The following ELFN2 variants were observed in gnomAD, a reference collection of about 807,000 sequenced individuals.
ELFN2 encodes extracellular leucine rich repeat and fibronectin type III domain containing 2.
ELFN2 carries 17 observed loss-of-function variants against 45.5 expected under a neutral mutation model. The ratio of observed to expected loss-of-function variants is 0.37; its 90% CI spans 0.26 to 0.56. ELFN2 has a LOEUF of 0.56. ELFN2 is among the 20% of genes least tolerant of loss of function. The probability of loss-of-function intolerance (pLI) is 0.77; values close to 1 mark genes in which losing one functional copy is unlikely to be tolerated. For synonymous variants in ELFN2, 550 were observed against 551.5 expected (o/e 1.00, Z 0.04); for missense variants, 922 against 1,183.2 (o/e 0.78, Z 3.24).
intron 2 of ELFN2, among the ~76,000 whole-genome samples, chr22:37,393,528 C>G (rs574029183): frequency 9.2e-5 from 14 of 152,360 alleles, no homozygotes; most frequent in Admixed American, 5.2e-4. Context: ...ACAACAGTAT[C>G]GATGAGGACA....
At chr22:37,425,979 T>A (rs1183436612) in intron 1 of ELFN2, among the ~76,000 whole-genome samples, 1 of 151,102 alleles carries the variant, frequency 6.6e-6, no homozygotes, top group African/African-American at 2.4e-5. Context: ...CCCCACAGCT[T>A]CCACCACATT....
At chr22:37,425,400 G>A (rs567834067) in intron 1 of ELFN2, among the ~76,000 whole-genome samples, 10 of 152,286 alleles carry the variant, frequency 6.6e-5, no homozygotes, top group Admixed American at 4.6e-4. Flanking sequence ...GCTGGGAAAG[G>A]CGGCCTCTTG....
At chr22:37,359,467 G>C (rs893604790) in intron 1 of ELFN2, among the ~76,000 whole-genome samples, 2 of 152,136 alleles carry the variant, frequency 1.3e-5, no homozygotes, top group African/African-American at 4.8e-5. Flanking sequence ...TATTTCTTTT[G>C]ACCAAAGCAT....
rs1569131742 is a variant in ELFN2 at position 37,373,567 on chromosome 22, C to T, written c.1968G>A (p.Leu656=). ...DVPDHPAATG[L]AKGDSKYIEK... ...CGATGTACTTGGAGTCGCCCTTAGC[C>T]AGCCCTGTGGCGGCCGGATGGTCGG... Residue 656 remains leucine (L), a synonymous_variant, in exon 3 of 3, where the codon CTG becomes CTA. Coordinates refer to ENST00000402918, the MANE Select transcript of ELFN2 (RefSeq NM_052906.5). 3 of 1,604,824 alleles carry T rather than the reference C, an allele frequency of 1.9e-6. No individual in the cohort carries two copies. Among genetic ancestry groups the T allele is most frequent in the Non-Finnish European group, 2.5e-6 (3 of 1,176,892 alleles).
downstream of ELFN2, among the ~76,000 whole-genome samples, chr22:37,367,371 A>T (rs1478012353): frequency 6.6e-6 from 1 of 152,218 alleles, no homozygotes; most frequent in Non-Finnish European, 1.5e-5. Flanking sequence ...CTTCCCAGCC[A>T]TGAAGAACCG....
At chr22:37,361,988 G>A (rs571060066) in intron 1 of ELFN2, among the ~76,000 whole-genome samples, 4 of 152,266 alleles carry the variant, frequency 2.6e-5, no homozygotes, top group East Asian at 3.9e-4. Flanking sequence ...CCTCCCACAC[G>A]CAGCTACTCC....
intron 2 of ELFN2, among the ~76,000 whole-genome samples, chr22:37,414,875 A>ACAGC (rs1330998762): frequency 6.6e-6 from 1 of 152,196 alleles, no homozygotes; most frequent in African/African-American, 2.4e-5. Flanking sequence ...GCCACCCAGG[A>ACAGC]CAGCCCTCTC....
intron 2 of ELFN2, among the ~76,000 whole-genome samples, chr22:37,411,858 T>A (rs924734259): frequency 2.0e-5 from 3 of 152,234 alleles, no homozygotes; most frequent in African/African-American, 4.8e-5. Context: ...GACCAGGACA[T>A]GTGACCACTC....
At chr22:37,381,328 G>A (rs999931932) in intron 2 of ELFN2, among the ~76,000 whole-genome samples, 1 of 152,126 alleles carries the variant, frequency 6.6e-6, no homozygotes, top group African/African-American at 2.4e-5. Context: ...CCCTGTCAGA[G>A]GAAAGCGTGC....
chr22:37,407,911 C>T (rs1242339329), intron 2 of ELFN2, among the ~76,000 whole-genome samples: 1 of 151,696 alleles, frequency 6.6e-6, no homozygotes, highest in South Asian at 2.1e-4. Context: ...AAAAAGAAAG[C>T]GAGAAAAGGC....
At chr22:37,349,935 C>T (rs35396028) in intron 1 of ELFN2, among the ~76,000 whole-genome samples, 1,543 of 151,152 alleles carry the variant, frequency 0.01, 117 homozygotes, top group Non-Finnish European at 0.015. Flanking sequence ...TAAGTGGGCA[C>T]GAGGCTCCTG....
intron 2 of ELFN2, among the ~76,000 whole-genome samples, chr22:37,342,126 G>A (rs940495118): frequency 3.3e-5 from 5 of 152,156 alleles, no homozygotes; most frequent in South Asian, 2.1e-4. Context: ...CCCAAAGACC[G>A]GATGAGGACT....
At chr22:37,403,886 C>G (rs1932431113) in intron 2 of ELFN2, among the ~76,000 whole-genome samples, 1 of 152,236 alleles carries the variant, frequency 6.6e-6, no homozygotes, top group Non-Finnish European at 1.5e-5. Flanking sequence ...TGAGTCTCAG[C>G]TTCCCTGTCT....
chr22:37,350,266 A>AG (rs1669667430), intron 1 of ELFN2, among the ~76,000 whole-genome samples: 1 of 127,668 alleles, frequency 7.8e-6, no homozygotes, highest in Admixed American at 7.2e-5. Context: ...AATGGCAAGA[A>AG]CGGGTGGGAG....
rs528324341 is a variant in ELFN2 at position 37,361,008 on chromosome 22, G to T, written n.149-18305C>A. 2.0e-5 allele frequency among the ~76,000 whole-genome samples: 3 copies of T among 152,234 alleles called. No homozygotes were observed. The South Asian group carries it at 6.2e-4, about 32-fold the overall frequency. ...ACTCGAGGCTCCACTGTCTCCTAGGGTTACTTCCCGCCTTTAACCCTCACC... is the reference window on the plus strand; with the variant it reads ...ACTCGAGGCTCCACTGTCTCCTAGGTTTACTTCCCGCCTTTAACCCTCACC... On this transcript the variant is annotated intron_variant and non_coding_transcript_variant, in intron 1 of 2. Transcript: ENST00000452946.
intron 1 of ELFN2, among the ~76,000 whole-genome samples, chr22:37,362,563 C>T (rs1201884068): frequency 2.0e-5 from 3 of 152,224 alleles, no homozygotes; most frequent in Non-Finnish European, 4.4e-5. Flanking sequence ...AAGGTTGGGA[C>T]GTTGGGCCAT....
chr22:37,366,892 A>G (rs1601740419), downstream of ELFN2, among the ~76,000 whole-genome samples: 1 of 152,180 alleles, frequency 6.6e-6, no homozygotes, highest in African/African-American at 2.4e-5. Context: ...GTAGAAGGTG[A>G]GCGGCCCCAG....
intron 2 of ELFN2, among the ~76,000 whole-genome samples, chr22:37,396,900 C>G (rs1932227524): frequency 6.6e-6 from 1 of 152,218 alleles, no homozygotes; most frequent in Non-Finnish European, 1.5e-5. Context: ...CATGCCAGGA[C>G]AGGCCACTAT....
intron 2 of ELFN2, among the ~76,000 whole-genome samples, chr22:37,381,216 A>G (rs1245925200): frequency 2.6e-5 from 4 of 152,178 alleles, no homozygotes; most frequent in African/African-American, 9.7e-5. Flanking sequence ...CTCATCTTAC[A>G]GATGAGAAGA....
Sources: gnomAD v4.1 joint callset for allele counts (sites outside exome capture counted in the v4.1 genomes callset) on GRCh38, gnomAD v4.1.1 for gene constraint, MANE v1.5 for transcripts, NCBI Gene and HGNC (gene_info 2026-07-23, HGNC 2026-07-21) for gene names.